The following NEBL variants were observed in gnomAD, a reference collection of about 807,000 sequenced individuals.
NEBL encodes LIM and SH3 protein 2.
Under a neutral mutation model 140.2 loss-of-function variants are expected in NEBL, and 122 were observed. That is an observed-to-expected ratio of 0.87 (90% CI 0.75 to 1.01). NEBL has a LOEUF of 1.01. Ranked by LOEUF, NEBL falls within the 50% of genes least tolerant of loss-of-function variation. The probability of loss-of-function intolerance (pLI) is 0.00; values close to 1 mark genes in which losing one functional copy is unlikely to be tolerated. For synonymous variants in NEBL, 436 were observed against 398.9 expected, an observed-to-expected ratio of 1.09 and a Z score of -1.11; for missense variants, 1,365 against 1,231.3, an observed-to-expected ratio of 1.11 and a Z score of -1.62.
chr10:20,866,615 T>C (rs925666156), intron 7 of NEBL, among the ~76,000 whole-genome samples: 1 of 152,176 alleles, frequency 6.6e-6, no homozygotes, highest in African/African-American at 2.4e-5. Flanking sequence ...TCCCAGCCTG[T>C]ATTTGGGGCC....
chr10:20,843,249 A>G (rs1037652352), intron 12 of NEBL, among the ~76,000 whole-genome samples: 3 of 152,050 alleles, frequency 2.0e-5, no homozygotes. Context: ...CTCGCTAAGA[A>G]TCAAATCTGC....
intron 2 of NEBL, among the ~76,000 whole-genome samples, chr10:21,091,663 T>C (rs950682005): frequency 3.3e-5 from 5 of 152,206 alleles, no homozygotes; most frequent in African/African-American, 1.2e-4. Context: ...GGTCTCACTC[T>C]GTCCAAGGCT....
chr10:20,782,434 C>T lies in NEBL; in HGVS notation c.*3313G>A, dbSNP rs747290372. On this transcript the variant is annotated 3_prime_UTR_variant, in exon 28 of 28. Transcript: ENST00000377122. Reference sequence around the variant, plus strand: ...CACTGGAGATGGATGAACCTGAAAACGAGGTACATCCCTTGAACTTCCACT... The same window carrying T: ...CACTGGAGATGGATGAACCTGAAAATGAGGTACATCCCTTGAACTTCCACT... 14 of 152,538 alleles carry T rather than the reference C, an allele frequency of 9.2e-5. No individual in the cohort carries two copies. The highest frequency in any genetic ancestry group is 2.2e-4 in the African/African-American group (9 of 41,422). The allele number at this position is 152,538 out of a possible 1,614,324, so 9.4% of individuals were successfully genotyped here.
At chr10:21,159,478 T>G (rs1840467607) in intron 2 of NEBL, among the ~76,000 whole-genome samples, 1 of 152,200 alleles carries the variant, frequency 6.6e-6, no homozygotes. Context: ...TCTAAAGTCC[T>G]CACAACTGCT....
chr10:21,096,513 G>A (rs1449689510), intron 2 of NEBL, among the ~76,000 whole-genome samples: 2 of 151,592 alleles, frequency 1.3e-5, no homozygotes, highest in Admixed American at 6.6e-5. Context: ...GTGTGTGTGT[G>A]TGTGTGTGTG....
chr10:21,162,818 G>A (rs11012551), intron 2 of NEBL, among the ~76,000 whole-genome samples: 6,249 of 152,288 alleles, frequency 0.041, 275 homozygotes, highest in East Asian at 0.22. Flanking sequence ...CTTCACAAAG[G>A]TAGGCATAGC....
intron 4 of NEBL, among the ~76,000 whole-genome samples, chr10:20,916,487 A>G (rs1223352580): frequency 3.3e-5 from 5 of 152,100 alleles, no homozygotes; most frequent in African/African-American, 9.7e-5. Context: ...GCTCACCACA[A>G]CCTTCACCTC....
At chr10:21,256,652 G>A (rs1588569754) in intron 1 of NEBL, among the ~76,000 whole-genome samples, 1 of 152,096 alleles carries the variant, frequency 6.6e-6, no homozygotes, top group Non-Finnish European at 1.5e-5. Flanking sequence ...GCAACATAGT[G>A]AGACCCTGTC....
intron 2 of NEBL, among the ~76,000 whole-genome samples, chr10:21,062,022 T>C (rs1261672840): frequency 1.3e-5 from 2 of 152,136 alleles, no homozygotes; most frequent in Non-Finnish European, 2.9e-5. Context: ...GCAAACCCGA[T>C]GAAAAGAGCA....
intron 3 of NEBL, among the ~76,000 whole-genome samples, chr10:21,013,929 A>T (rs1838454826): frequency 6.6e-6 from 1 of 152,080 alleles, no homozygotes; most frequent in Non-Finnish European, 1.5e-5. Context: ...AAAAATGGGG[A>T]AAATGGATAT....
chr10:20,809,021 A>G (rs1837881087), intron 25 of NEBL, among the ~76,000 whole-genome samples: 1 of 152,138 alleles, frequency 6.6e-6, no homozygotes, highest in Non-Finnish European at 1.5e-5. Flanking sequence ...CCTTTTCTTT[A>G]TTTTTAGAAA....
intron 3 of NEBL, among the ~76,000 whole-genome samples, chr10:21,225,767 C>CT (rs1443279105): frequency 6.6e-6 from 1 of 152,196 alleles, no homozygotes; most frequent in Non-Finnish European, 1.5e-5. Context: ...GCCTGGAACT[C>CT]TTCCTTCAGG....
At chr10:20,986,539 G>C (rs1194694839) in intron 3 of NEBL, among the ~76,000 whole-genome samples, 1 of 152,156 alleles carries the variant, frequency 6.6e-6, no homozygotes. Flanking sequence ...CTAAATAATG[G>C]CTAAAGAAGA....
Position 20,919,890 on chromosome 10 carries a change from A to T in NEBL, c.357+41782T>A, listed in dbSNP as rs115687256. On this transcript the variant is annotated intron_variant, in intron 4 of 6. Transcript: ENST00000417816. Reference sequence around the variant, plus strand: ...ACAGAAAAAGAAAACCACCACTGCAAGCAAAAGCAAGGTAGCAGGGGGAAA... The same window carrying T: ...ACAGAAAAAGAAAACCACCACTGCATGCAAAAGCAAGGTAGCAGGGGGAAA... Among the ~76,000 whole-genome samples the T allele has an allele frequency of 9.5e-3, 1,448 of 152,284 alleles. 14 individuals carry two copies. The highest frequency in any genetic ancestry group is 0.033 in the African/African-American group (1,363 of 41,576).
chr10:21,080,677 G>T (rs573495844), intron 2 of NEBL, among the ~76,000 whole-genome samples: 2 of 152,294 alleles, frequency 1.3e-5, no homozygotes, highest in South Asian at 4.1e-4. Flanking sequence ...CTGGGTTTCT[G>T]GATTGGGCTT....
chr10:21,086,079 G>A (rs548733247), intron 2 of NEBL, among the ~76,000 whole-genome samples: 20 of 152,168 alleles, frequency 1.3e-4, no homozygotes, highest in East Asian at 3.9e-4. Flanking sequence ...AGAATCTGGC[G>A]TTGTATTGGT....
chr10:20,822,351 AT>A (rs1284513029), intron 19 of NEBL, among the ~76,000 whole-genome samples: 1 of 151,886 alleles, frequency 6.6e-6, no homozygotes, highest in East Asian at 1.9e-4. Flanking sequence ...TTATCTATCT[AT>A]CTATCTATAG....
chr10:20,982,983 T>C (rs1419313369), intron 3 of NEBL, among the ~76,000 whole-genome samples: 2 of 151,964 alleles, frequency 1.3e-5, no homozygotes, highest in African/African-American at 4.8e-5. Context: ...TCAAAAAAAA[T>C]AAAGAAAATG....
At chr10:21,181,378 G>A (rs1841384699) in intron 3 of NEBL, among the ~76,000 whole-genome samples, 1 of 151,034 alleles carries the variant, frequency 6.6e-6, no homozygotes, top group Admixed American at 6.6e-5. Context: ...AAACCAAAGT[G>A]AAGGTAGCGT....
Sources: gnomAD v4.1 joint callset for allele counts (sites outside exome capture counted in the v4.1 genomes callset) on GRCh38, gnomAD v4.1.1 for gene constraint, MANE v1.5 for transcripts, NCBI Gene and HGNC (gene_info 2026-07-23, HGNC 2026-07-21) for gene names.